Variants in CAMTA1 observed in about 807,000 individuals in gnomAD.
CAMTA1 encodes the protein calmodulin-binding transcription activator 1.
A neutral mutation model predicts 170.9 loss-of-function variants in CAMTA1; 27 were observed. The observed-to-expected ratio is 0.16, with a 90% CI of 0.12 to 0.22. CAMTA1 has a LOEUF of 0.22. CAMTA1 is among the 10% of genes least tolerant of loss of function. The probability of loss-of-function intolerance (pLI) is 1.00; values close to 1 mark genes in which losing one functional copy is unlikely to be tolerated. For missense variants in CAMTA1, 1,619 were observed against 2,217.2 expected, an observed-to-expected ratio of 0.73 and a Z score of 5.42; for synonymous variants, 833 against 891.5, an observed-to-expected ratio of 0.93 and a Z score of 1.17.
intron 3 of CAMTA1, among the ~76,000 whole-genome samples, chr1:6,857,858 T>G (rs1663036266): frequency 6.6e-6 from 1 of 152,132 alleles, no homozygotes; most frequent in African/African-American, 2.4e-5. Flanking sequence ...TGGGGAGATC[T>G]AGGGATGTTG....
intron 6 of CAMTA1, among the ~76,000 whole-genome samples, chr1:7,490,544 C>T (rs1489260733): frequency 6.6e-6 from 1 of 152,040 alleles, no homozygotes; most frequent in Admixed American, 6.5e-5. Context: ...CCTAGCTACT[C>T]GGGAGGCTGA....
intron 4 of CAMTA1, among the ~76,000 whole-genome samples, chr1:7,229,816 G>C (rs935071481): frequency 4.6e-5 from 7 of 152,278 alleles, no homozygotes; most frequent in African/African-American, 1.7e-4. Context: ...GTTCTTTATA[G>C]AGAAGTTGAG....
At chr1:7,169,328 G>A (rs1649136385) in intron 4 of CAMTA1, among the ~76,000 whole-genome samples, 1 of 152,196 alleles carries the variant, frequency 6.6e-6, no homozygotes, top group Non-Finnish European at 1.5e-5. Flanking sequence ...AATAATTTGT[G>A]TAAGATGATG....
intron 3 of CAMTA1, among the ~76,000 whole-genome samples, chr1:6,891,485 G>A (rs1674484607): frequency 6.6e-6 from 1 of 152,184 alleles, no homozygotes; most frequent in African/African-American, 2.4e-5. Context: ...ATAGCCTTCT[G>A]TGATCTTCCG....
At position 7,044,327 on chromosome 1, in the gene CAMTA1, C is replaced by T. The variant is rs576750749; in HGVS notation, c.235-46977C>T. Among the ~76,000 whole-genome samples the T allele has an allele frequency of 6.6e-6, 1 of 152,134 alleles. No homozygotes were observed. Among genetic ancestry groups the T allele is most frequent in the Admixed American group, 6.5e-5 (1 of 15,296 alleles). On this transcript the variant is annotated intron_variant, in intron 3 of 22. Coordinates refer to ENST00000303635, the MANE Select transcript of CAMTA1 (RefSeq NM_015215.4). This position sits in a 1 kb window ranked among gnomAD's most constrained non-coding sequence, Gnocchi z 5.0. ...GACCCAGAGAGACGCAGAGCAGTGCCGCTGGGGACCCCGGGGACTCAGAGC... is the reference window on the plus strand; with the variant it reads ...GACCCAGAGAGACGCAGAGCAGTGCTGCTGGGGACCCCGGGGACTCAGAGC...
Position 6,895,429 on chromosome 1 carries a change from C to G in CAMTA1, c.234+70219C>G, listed in dbSNP as rs188147559. On this transcript the variant is annotated intron_variant, in intron 3 of 22. Transcript: ENST00000303635. ...TTGCCTGGAGATCTGTCACATTTTC[C>G]TGTGTGGACTTCATGTCTCCAGTTT... Among the ~76,000 whole-genome samples, 5 of 152,324 alleles carry G rather than the reference C, an allele frequency of 3.3e-5. No homozygotes were observed. The East Asian group carries it at 9.7e-4, about 29-fold the overall frequency.
intron 3 of CAMTA1, among the ~76,000 whole-genome samples, chr1:6,997,764 G>T (rs1697544748): frequency 6.7e-6 from 1 of 148,724 alleles, no homozygotes; most frequent in Admixed American, 6.8e-5. Context: ...GGGTTCAAGC[G>T]ATTCTCCTGC....
At chr1:7,672,759 C>T (rs913362583) in intron 10 of CAMTA1, among the ~76,000 whole-genome samples, 1 of 152,080 alleles carries the variant, frequency 6.6e-6, no homozygotes, top group Non-Finnish European at 1.5e-5. Context: ...AGCAGAAAAC[C>T]CCTGCTCCAC....
intron 22 of CAMTA1, among the ~76,000 whole-genome samples, chr1:7,758,474 G>T (rs1454860072): frequency 6.6e-6 from 1 of 152,150 alleles, no homozygotes; most frequent in African/African-American, 2.4e-5. Flanking sequence ...AAGGAATAGC[G>T]TATATATGGC....
At chr1:7,289,688 T>A (rs1672842659) in intron 5 of CAMTA1, among the ~76,000 whole-genome samples, 1 of 152,198 alleles carries the variant, frequency 6.6e-6, no homozygotes, top group Non-Finnish European at 1.5e-5. Context: ...ATCTAATGAC[T>A]GGTGTCCTTA....
intron 5 of CAMTA1, among the ~76,000 whole-genome samples, chr1:7,267,873 C>G (rs1294214084): frequency 6.6e-6 from 1 of 152,144 alleles, no homozygotes; most frequent in Non-Finnish European, 1.5e-5. Context: ...AGCATCTGCA[C>G]AAAGCTTAAG....
rs1034174419 is a variant in CAMTA1 at position 7,732,823 on chromosome 1, A to G, written c.3066+224A>G. ...AGCTTCTCAGTTGTTTACCCCCCTAATCCTTAAGTTATCTCTATTAATCTC... is the reference window on the plus strand; with the variant it reads ...AGCTTCTCAGTTGTTTACCCCCCTAGTCCTTAAGTTATCTCTATTAATCTC... On this transcript the variant is annotated intron_variant, in intron 12 of 22. Coordinates refer to ENST00000303635, the MANE Select transcript of CAMTA1 (RefSeq NM_015215.4). This position sits in a 1 kb window ranked among gnomAD's most constrained non-coding sequence, Gnocchi z 4.1. Among the ~76,000 whole-genome samples, 7 of 152,060 alleles carry G rather than the reference A, an allele frequency of 4.6e-5. No homozygotes were observed. Among genetic ancestry groups the G allele is most frequent in the Non-Finnish European group, 1.0e-4 (7 of 67,996 alleles).
intron 5 of CAMTA1, among the ~76,000 whole-genome samples, chr1:7,324,611 C>T (rs1678997173): frequency 6.6e-6 from 1 of 151,904 alleles, no homozygotes; most frequent in Non-Finnish European, 1.5e-5. Context: ...TGTCTGTGCT[C>T]ATCCTGGCCA....
chr1:7,112,769 C>G (rs1237626619), intron 4 of CAMTA1, among the ~76,000 whole-genome samples: 1 of 152,244 alleles, frequency 6.6e-6, no homozygotes, highest in Non-Finnish European at 1.5e-5. Flanking sequence ...CTCAGGGGCC[C>G]TGGGTCTCCC....
Position 7,663,976 on chromosome 1 carries a change from C to T in CAMTA1, c.1429C>T (p.Pro477Ser). The stretch of plus-strand genomic sequence containing the variant: ...CACCCTCGACGGTGGCCGGAAGATT[C>T]CAGAAACCACCATGAACTTTGACCC... ...STTLDGGRKI[P>S]ETTMNFDPDC... Residue 477 changes from proline (P) to serine (S), a missense_variant, in exon 9 of 23, where the codon CCA becomes TCA. By Grantham distance (74) the Pro-to-Ser change is moderately conservative. This residue lies in a region of CAMTA1 where 731 missense variants were observed against 907.6 expected (regional missense o/e 0.81). Coordinates refer to ENST00000303635, the MANE Select transcript of CAMTA1 (RefSeq NM_015215.4). 1 of 1,613,846 alleles carries T rather than the reference C, an allele frequency of 6.2e-7. No individual in the cohort carries two copies. The highest frequency in any genetic ancestry group is 8.5e-7 in the Non-Finnish European group (1 of 1,180,028).
At chr1:6,957,615 C>T (rs565921179) in intron 3 of CAMTA1, among the ~76,000 whole-genome samples, 1 of 152,324 alleles carries the variant, frequency 6.6e-6, no homozygotes, top group East Asian at 1.9e-4. Context: ...CTGACTCTCT[C>T]TTCTGCCTCT....
intron 5 of CAMTA1, among the ~76,000 whole-genome samples, chr1:7,465,509 C>G (rs2093189855): frequency 6.6e-6 from 1 of 152,156 alleles, no homozygotes; most frequent in African/African-American, 2.4e-5. Flanking sequence ...CATGGGATTG[C>G]CACAGTGGTT....
chr1:7,294,483 G>T (rs1200022606), intron 5 of CAMTA1, among the ~76,000 whole-genome samples: 4 of 152,196 alleles, frequency 2.6e-5, no homozygotes. Flanking sequence ...CGGGGGACAG[G>T]TGATCTTGGC....
chr1:7,245,787 C>G (rs1483934419), intron 4 of CAMTA1, among the ~76,000 whole-genome samples: 1 of 152,088 alleles, frequency 6.6e-6, no homozygotes, highest in Non-Finnish European at 1.5e-5. Flanking sequence ...GAAGGAGATC[C>G]CGAGATGAAG....
Sources: allele counts gnomAD v4.1 joint callset (sites outside exome capture counted in the v4.1 genomes callset), GRCh38; gene constraint gnomAD v4.1.1; regional missense constraint gnomAD v4.1.1; non-coding constraint Gnocchi (gnomAD v3.1); transcripts MANE v1.5; gene names NCBI Gene and HGNC (gene_info 2026-07-23, HGNC 2026-07-21).